Variants in KIAA1217 observed in about 807,000 individuals in gnomAD.
KIAA1217 encodes the protein sickle tail protein homolog.
Under a neutral mutation model 163.9 loss-of-function variants are expected in KIAA1217, and 88 were observed. The observed-to-expected ratio is 0.54, with a 90% CI of 0.45 to 0.64. KIAA1217 has a LOEUF of 0.64. KIAA1217 is among the 30% of genes least tolerant of loss of function. The probability of loss-of-function intolerance (pLI) is 0.00; values close to 1 mark genes in which losing one functional copy is unlikely to be tolerated. For synonymous variants in KIAA1217, 903 were observed against 923.1 expected (o/e 0.98, Z 0.39); for missense variants, 2,372 against 2,475.0 (o/e 0.96, Z 0.88).
In KIAA1217 at chr10:23,816,108, A is replaced by T. The variant is rs188558526; in HGVS notation, c.-321+120874A>T. On this transcript the variant is annotated intron_variant, in intron 1 of 18. Transcript: ENST00000376462. ...CCTTAAGCAAAACTTCAAGAATGTT[A>T]TTTCCTGGTAACCAGCATTTGCGTT... Among the ~76,000 whole-genome samples the T allele has an allele frequency of 3.7e-3, 568 of 152,256 alleles. 8 individuals are homozygous for T. The highest frequency in any genetic ancestry group is 0.013 in the African/African-American group (523 of 41,542).
Position 23,816,289 on chromosome 10 carries a change from GTTGT to G in KIAA1217, c.-321+121075_-321+121078del, listed in dbSNP as rs374978039. On this transcript the variant is annotated intron_variant, in intron 1 of 18. Coordinates refer to the KIAA1217 transcript ENST00000376462. ...GCTCACATTTCTTTTTGTTGTTGTT[GTTGT>G]TTGTTTGTTTGTTTGTTTGAGGCGG... Among the ~76,000 whole-genome samples the G allele has an allele frequency of 1.3e-3, 192 of 151,916 alleles. 13 individuals carry two copies. In the East Asian group the frequency reaches 0.027, roughly 21 times the overall value.
rs1359461319 is a variant in KIAA1217, at chr10:24,282,202, C to CAA, written c.354+62296_354+62297dup. On this transcript the variant is annotated intron_variant, in intron 2 of 20. Coordinates refer to ENST00000376454, the MANE Select transcript of KIAA1217 (RefSeq NM_019590.5). ...GGGCAACATAGAGACCTCACCTCTA[C>CAA]AAAATTTTTTTTTCAAAAAAGAATA... Among the ~76,000 whole-genome samples the CAA allele has an allele frequency of 8.6e-3, 200 of 23,158 alleles. 2 individuals carry two copies. The highest frequency in any genetic ancestry group is 0.057 in the African/African-American group (180 of 3,140). 15.2% of individuals were successfully genotyped at this position (23,158 alleles called of 152,430 possible).
intron 1 of KIAA1217, among the ~76,000 whole-genome samples, chr10:23,723,046 T>C (rs1837951680): frequency 6.6e-6 from 1 of 152,210 alleles, no homozygotes; most frequent in South Asian, 2.1e-4. Flanking sequence ...ACGCACCTCA[T>C]TGGCCAGGCT....
At chr10:24,406,444 G>A (rs953633072) in intron 3 of KIAA1217, among the ~76,000 whole-genome samples, 1 of 149,148 alleles carries the variant, frequency 6.7e-6, no homozygotes, top group African/African-American at 2.5e-5. Flanking sequence ...CACACACATT[G>A]CTAATGGGTC....
intron 3 of KIAA1217, among the ~76,000 whole-genome samples, chr10:24,391,559 G>A (rs904708569): frequency 1.3e-5 from 2 of 151,838 alleles, no homozygotes; most frequent in South Asian, 4.2e-4. Flanking sequence ...TGGCCAAGCT[G>A]GTCTCGAACT....
chr10:24,411,296 C>T (rs1449300308), intron 3 of KIAA1217, among the ~76,000 whole-genome samples: 2 of 152,086 alleles, frequency 1.3e-5, no homozygotes, highest in African/African-American at 2.4e-5. Flanking sequence ...AGAAGTCAGC[C>T]TAACTCTCAA....
chr10:23,760,378 A>G (rs1024548765), intron 1 of KIAA1217, among the ~76,000 whole-genome samples: 2 of 152,168 alleles, frequency 1.3e-5, no homozygotes, highest in Non-Finnish European at 2.9e-5. Context: ...AGGCTTTCAC[A>G]CTATCTTAAC....
intron 1 of KIAA1217, among the ~76,000 whole-genome samples, chr10:23,831,920 C>T (rs1203607733): frequency 2.0e-5 from 3 of 152,118 alleles, no homozygotes; most frequent in Non-Finnish European, 4.4e-5. Flanking sequence ...TAGGAAAAAG[C>T]AAAGTGTTTT....
chr10:23,979,458 C>T (rs1845676424), intron 1 of KIAA1217, among the ~76,000 whole-genome samples: 1 of 152,208 alleles, frequency 6.6e-6, no homozygotes, highest in East Asian at 1.9e-4. Flanking sequence ...ATTTCTTCCT[C>T]TTCATGTCTT....
intron 1 of KIAA1217, among the ~76,000 whole-genome samples, chr10:23,756,376 G>T (rs981924035): frequency 1.3e-5 from 2 of 152,084 alleles, no homozygotes; most frequent in African/African-American, 2.4e-5. Context: ...TACTAAAGAT[G>T]AGTTTCATGC....
In KIAA1217 at chr10:24,251,400, CAAAAAAA is replaced by C. The variant is rs55668887; in HGVS notation, c.354+31507_354+31513del. Among the ~76,000 whole-genome samples the C allele has an allele frequency of 2.9e-3, 262 of 90,522 alleles. 1 individual carries two copies. The highest frequency in any genetic ancestry group is 7.4e-3 in the African/African-American group (177 of 23,952). 59.4% of individuals were successfully genotyped at this position (90,522 alleles called of 152,430 possible). ...TAAGAAACAGAAAGAGACACTGTCT[CAAAAAAA>C]AAAAAAAAAAAAAAACAAGAAAAAA... On this transcript the variant is annotated intron_variant, in intron 2 of 20. Transcript: ENST00000376454.
chr10:24,294,254 G>C (rs989380542), intron 2 of KIAA1217, among the ~76,000 whole-genome samples: 1 of 150,044 alleles, frequency 6.7e-6, no homozygotes, highest in Non-Finnish European at 1.5e-5. Flanking sequence ...GGCCACCTTG[G>C]GGCTCTACAT....
intron 2 of KIAA1217, among the ~76,000 whole-genome samples, chr10:24,064,507 G>T (rs998721252): frequency 6.6e-6 from 1 of 152,160 alleles, no homozygotes; most frequent in South Asian, 2.1e-4. Context: ...GATCATGGTG[G>T]ATAAGCTTTT....
Position 24,256,625 on chromosome 10 carries a change from C to G in KIAA1217, c.354+36716C>G, listed in dbSNP as rs79716021. ...TTTTCCTGAAGGAACAGAACCAACA[C>G]TGGTTTTCAAAAGCCTTAGTTTTAC... On this transcript the variant is annotated intron_variant, in intron 2 of 20. Coordinates refer to ENST00000376454, the MANE Select transcript of KIAA1217 (RefSeq NM_019590.5). 2.5e-3 allele frequency among the ~76,000 whole-genome samples: 377 copies of G among 152,276 alleles called. 3 individuals are homozygous for G. The highest frequency in any genetic ancestry group is 8.5e-3 in the African/African-American group (353 of 41,562).
intron 1 of KIAA1217, among the ~76,000 whole-genome samples, chr10:23,901,061 A>G (rs1841933912): frequency 6.6e-6 from 1 of 152,106 alleles, no homozygotes; most frequent in Non-Finnish European, 1.5e-5. Flanking sequence ...TAATGTTTTT[A>G]TTTAACCACA....
chr10:24,116,506 GT>G (rs2063061531), intron 2 of KIAA1217, among the ~76,000 whole-genome samples: 1 of 152,100 alleles, frequency 6.6e-6, no homozygotes, highest in Non-Finnish European at 1.5e-5. Flanking sequence ...TTTGCTATCT[GT>G]TCCTTTACAG....
At chr10:24,495,109 G>A in intron 7 of KIAA1217, 38 bp from the exon 8 acceptor site, 1 of 1,539,174 alleles carries the variant, frequency 6.5e-7, no homozygotes, top group Non-Finnish European at 8.8e-7. Flanking sequence ...AAGGCATTTT[G>A]GAAACTGCAT....
intron 3 of KIAA1217, among the ~76,000 whole-genome samples, chr10:24,385,922 A>T (rs2053945675): frequency 6.6e-6 from 1 of 152,188 alleles, no homozygotes; most frequent in Admixed American, 6.5e-5. Flanking sequence ...GCTGTCTTAG[A>T]AATGCCTGTC....
chr10:24,197,354 G>A (rs1337741752), intron 2 of KIAA1217, among the ~76,000 whole-genome samples: 1 of 152,206 alleles, frequency 6.6e-6, no homozygotes, highest in Non-Finnish European at 1.5e-5. Context: ...AAAAAAGATG[G>A]TGTTGGCAGA....
Sources: allele counts gnomAD v4.1 joint callset (sites outside exome capture counted in the v4.1 genomes callset), GRCh38; gene constraint gnomAD v4.1.1; transcripts MANE v1.5; gene names NCBI Gene and HGNC (gene_info 2026-07-23, HGNC 2026-07-21).